Variants in ATP8B1 observed in about 807,000 individuals in gnomAD.
The protein encoded by ATP8B1 is ATPase phospholipid transporting 8B1.
ATP8B1 carries 80 observed loss-of-function variants against 149.9 expected under a neutral mutation model. The observed-to-expected ratio is 0.53, with a 90% CI of 0.45 to 0.64. The LOEUF is 0.64. Among genes scored for constraint, ATP8B1 ranks in the 30% least tolerant of loss-of-function variants. The pLI, the probability that ATP8B1 is intolerant of heterozygous loss-of-function variation, is 0.00. For missense variants in ATP8B1, 1,247 were observed against 1,552.6 expected, an observed-to-expected ratio of 0.80 and a Z score of 3.31; for synonymous variants, 536 against 562.8, an observed-to-expected ratio of 0.95 and a Z score of 0.67.
At chr18:57,760,059 C>T (rs1416893705) in intron 1 of ATP8B1, among the ~76,000 whole-genome samples, 1 of 152,168 alleles carries the variant, frequency 6.6e-6, no homozygotes, top group African/African-American at 2.4e-5. Context: ...AAACCCTCTA[C>T]ATACCAGCAA....
At chr18:57,662,259 A>G (rs1910503741) in intron 21 of ATP8B1, among the ~76,000 whole-genome samples, 1 of 152,228 alleles carries the variant, frequency 6.6e-6, no homozygotes, top group South Asian at 2.1e-4. Flanking sequence ...AAGAAAATGA[A>G]AAAACCCATT....
chr18:57,731,380 C>CAT, intron 2 of ATP8B1: 1 of 280,656 alleles, frequency 3.6e-6, no homozygotes, highest in South Asian at 2.9e-5. Flanking sequence ...TATATACACA[C>CAT]ACTAACAAAG....
intron 11 of ATP8B1, 51 bp from the exon 12 acceptor site, chr18:57,692,048 C>T: frequency 6.4e-7 from 1 of 1,569,800 alleles, no homozygotes; most frequent in Non-Finnish European, 8.6e-7. Context: ...TTTCCAACCT[C>T]TTGCATTTCC....
intron 1 of ATP8B1, among the ~76,000 whole-genome samples, chr18:57,767,089 A>G (rs747277533): frequency 6.6e-6 from 1 of 152,216 alleles, no homozygotes; most frequent in Non-Finnish European, 1.5e-5. Flanking sequence ...GGTGAGGTCT[A>G]TCAAAAAGGA....
intron 2 of ATP8B1, among the ~76,000 whole-genome samples, chr18:57,727,455 G>A (rs183057404): frequency 1.1e-3 from 169 of 152,168 alleles, no homozygotes; most frequent in Non-Finnish European, 1.8e-3. Flanking sequence ...TCATAGATGC[G>A]CTAAAGACCC....
chr18:57,757,140 G>A (rs2080092957), intron 1 of ATP8B1, among the ~76,000 whole-genome samples: 1 of 152,192 alleles, frequency 6.6e-6, no homozygotes, highest in Non-Finnish European at 1.5e-5. Context: ...CAATATGGAT[G>A]TGTAAATTCC....
At chr18:57,702,022 T>C (rs959299779) in intron 4 of ATP8B1, among the ~76,000 whole-genome samples, 2 of 152,144 alleles carry the variant, frequency 1.3e-5, no homozygotes, top group Non-Finnish European at 2.9e-5. Flanking sequence ...TTTTAAGGAA[T>C]GCATGCATAG....
Position 57,736,407 on chromosome 18 carries a change from C to T in ATP8B1, c.-25-4575G>A, listed in dbSNP as rs537597565. Among the ~76,000 whole-genome samples the T allele has an allele frequency of 1.3e-4, 19 of 149,124 alleles. No individual in the cohort carries two copies. The South Asian group carries it at 3.8e-3, about 30-fold the overall frequency. On this transcript the variant is annotated intron_variant, in intron 1 of 27. Coordinates refer to ENST00000648908, the MANE Select transcript of ATP8B1 (RefSeq NM_001374385.1). Reference sequence around the variant, plus strand: ...ATAAAATCTTTGCCTAGACCAATGTCCTAAAACATTTTCCCTATGTTTTCT... The same window carrying T: ...ATAAAATCTTTGCCTAGACCAATGTTCTAAAACATTTTCCCTATGTTTTCT...
At chr18:57,652,445 A>G (rs1356523538) in intron 25 of ATP8B1, 39 bp downstream of exon 25, 2 of 1,613,512 alleles carry the variant, frequency 1.2e-6, no homozygotes, top group Admixed American at 3.3e-5. Context: ...ATAAGTAGGT[A>G]CCAATAGACA....
rs1911210525 is a variant in ATP8B1, at chr18:57,671,404, T to TTAACAGACAGCA, written c.1932+52_1932+63dup. On this transcript the variant is annotated intron_variant, in intron 17 of 27. Transcript: ENST00000648908. ...GTTAACATACAGCTTTCATGCAAAC[T>TTAACAGACAGCA]TAACAGACAGCATCAGAGAGTAAGT... is the stretch of plus-strand genomic sequence containing the variant. The TTAACAGACAGCA allele has an allele frequency of 6.6e-6, 9 of 1,368,770 alleles. No individual in the cohort carries two copies. In the South Asian group the frequency reaches 7.0e-5, roughly 11 times the overall value. The allele number at this position is 1,368,770 out of a possible 1,614,324, so 84.8% of individuals were successfully genotyped here. A position where few individuals can be genotyped will look rare whatever the true frequency, so the allele number is the denominator to read the frequency against.
rs1172095440 is a variant in ATP8B1, at chr18:57,697,651, C to T, written c.665G>A (p.Ser222Asn). The T allele has an allele frequency of 6.2e-7, 1 of 1,613,924 alleles. No homozygotes were observed. The highest frequency in any genetic ancestry group is 8.5e-7 in the Non-Finnish European group (1 of 1,180,028). Reference protein sequence around the residue: ...ILLLSSSEPNSLCYVETAELD... With the variant: ...ILLLSSSEPNNLCYVETAELD... ...TTCTGCTGTTTCCACATAGCAGAGG[C>T]TGTTAGGCTCAGAGCTAGACAGCAG... Residue 222 changes from serine (S) to asparagine (N), a missense_variant, in exon 8 of 28, where the codon AGC (serine) becomes AAC (asparagine). Transcript: ENST00000648908.
chr18:57,723,933 A>G (rs1443900059), intron 2 of ATP8B1, among the ~76,000 whole-genome samples: 1 of 147,194 alleles, frequency 6.8e-6, no homozygotes, highest in African/African-American at 2.6e-5. Flanking sequence ...CAGAGCCCTC[A>G]GAAATAATGC....
At chr18:57,681,926 T>C (rs1356979048) in intron 15 of ATP8B1, among the ~76,000 whole-genome samples, 1 of 152,072 alleles carries the variant, frequency 6.6e-6, no homozygotes, top group Non-Finnish European at 1.5e-5. Context: ...GAAGCCAACA[T>C]GTCTCTATTC....
intron 1 of ATP8B1, among the ~76,000 whole-genome samples, chr18:57,767,712 C>T (rs1193116307): frequency 1.6e-4 from 25 of 151,844 alleles, no homozygotes; most frequent in Non-Finnish European, 3.5e-4. Flanking sequence ...TCGCTTGAAC[C>T]CAGGAGGCAG....
intron 4 of ATP8B1, 119 bp downstream of exon 4, chr18:57,704,436 A>G: frequency 1.3e-6 from 1 of 742,764 alleles, no homozygotes; most frequent in Non-Finnish European, 2.3e-6. Flanking sequence ...TCCTTTATGT[A>G]CAGAACCCTG....
chr18:57,728,337 G>A (rs2079728664), intron 2 of ATP8B1, among the ~76,000 whole-genome samples: 1 of 152,112 alleles, frequency 6.6e-6, no homozygotes, highest in Non-Finnish European at 1.5e-5. Context: ...TTCAGGATGT[G>A]AAATGTCAAG....
At chr18:57,756,208 TATACACACACACACAC>T (rs1165569753) in intron 1 of ATP8B1, among the ~76,000 whole-genome samples, 977 of 84,732 alleles carry the variant, frequency 0.012, 47 homozygotes, top group African/African-American at 0.044. Flanking sequence ...TATATATATA[TATACACACACACACAC>T]ACACACACAC....
rs450521 is a variant in ATP8B1 at position 57,704,893 on chromosome 18, A to G, written c.280-225T>C. Among the ~76,000 whole-genome samples, 151,157 of 152,154 alleles carry G rather than the reference A, an allele frequency of 0.99. 75,094 individuals carry two copies. The highest frequency in any genetic ancestry group is 1 in the Middle Eastern group (294 of 294). ...GAGCCTAGGAGTTTGAGACCAGCCT[A>G]GCCAACATGGTGAAACCCCACCTCT... On this transcript the variant is annotated intron_variant, in intron 3 of 27. Transcript: ENST00000648908.
chr18:57,671,788 A>G (rs768110794), intron 16 of ATP8B1, among the ~76,000 whole-genome samples: 1 of 151,758 alleles, frequency 6.6e-6, no homozygotes, highest in African/African-American at 2.4e-5. Context: ...ATGCCTGGCT[A>G]ATTTTTATTT....
Sources: gnomAD v4.1 joint callset for allele counts (sites outside exome capture counted in the v4.1 genomes callset) on GRCh38, gnomAD v4.1.1 for gene constraint, MANE v1.5 for transcripts, NCBI Gene and HGNC (gene_info 2026-07-23, HGNC 2026-07-21) for gene names.